Variants in STAMBPL1 observed in about 807,000 individuals in gnomAD.
STAMBPL1 encodes STAM binding protein like 1.
Under a neutral mutation model 52.9 loss-of-function variants are expected in STAMBPL1, and 44 were observed. The observed-to-expected ratio is 0.83, with a 90% CI of 0.65 to 1.07. The LOEUF (loss-of-function observed/expected upper bound fraction) is 1.07. STAMBPL1 is among the 50% of genes least tolerant of loss of function. The pLI, the probability that STAMBPL1 is intolerant of heterozygous loss-of-function variation, is 0.00. For synonymous variants in STAMBPL1, 164 were observed against 177.3 expected (o/e 0.92, Z 0.60); for missense variants, 511 against 520.8 (o/e 0.98, Z 0.18).
intron 2 of STAMBPL1, among the ~76,000 whole-genome samples, chr10:88,904,895 A>G (rs1564627495): frequency 6.6e-6 from 1 of 152,028 alleles, no homozygotes; most frequent in African/African-American, 2.4e-5. Flanking sequence ...AGGCTTCTCC[A>G]GGACTTACTT....
chr10:88,905,278 G>A (rs1379828000), intron 2 of STAMBPL1, among the ~76,000 whole-genome samples, 165 bp from the exon 3 acceptor site: 1 of 152,132 alleles, frequency 6.6e-6, no homozygotes, highest in Admixed American at 6.6e-5. Flanking sequence ...TATAAAGCAT[G>A]TTTAAGCAAA....
chr10:88,913,162 G>A lies in STAMBPL1; in HGVS notation c.482G>A (p.Arg161Lys). Residue 161 changes from arginine (R) to lysine (K), a missense_variant, in exon 6 of 11, where the codon AGG becomes AAG. Arg to Lys is a conservative substitution (Grantham distance 26). Coordinates refer to ENST00000371926, the MANE Select transcript of STAMBPL1 (RefSeq NM_020799.4). ...CATCAGAGATTGATAGAGGCAGAAA[G>A]GAAGCGGATTGCTCAGATGCGCCAG... ...LEHQRLIEAE[R>K]KRIAQMRQQQ... is the part of the protein sequence containing the mutation. The A allele has an allele frequency of 6.2e-7, 1 of 1,613,514 alleles. No homozygotes were observed. The highest frequency in any genetic ancestry group is 1.1e-5 in the South Asian group (1 of 91,028).
intron 10 of STAMBPL1, 136 bp from the exon 11 acceptor site, chr10:88,923,032 T>A: frequency 1.5e-6 from 1 of 651,966 alleles, no homozygotes; most frequent in South Asian, 1.9e-5. Context: ...TGATTGTATT[T>A]GTTCTGATTG....
chr10:88,894,643 A>T (rs1482888966), intron 1 of STAMBPL1, among the ~76,000 whole-genome samples: 3 of 152,232 alleles, frequency 2.0e-5, no homozygotes, highest in Non-Finnish European at 4.4e-5. Flanking sequence ...AGGAGGAAAA[A>T]GACCGAATTC....
intron 1 of STAMBPL1, among the ~76,000 whole-genome samples, chr10:88,887,494 G>A (rs1046547537): frequency 1.3e-5 from 2 of 152,058 alleles, no homozygotes; most frequent in Admixed American, 6.6e-5. Flanking sequence ...CCCTAGAGAT[G>A]ATTATTCAAA....
chr10:88,905,409 A>G (rs1401322393), intron 2 of STAMBPL1, 34 bp from the exon 3 acceptor site: 3 of 1,525,640 alleles, frequency 2.0e-6, no homozygotes, highest in Admixed American at 1.7e-5. Context: ...ACTATAATCA[A>G]CAGTTAATCA....
chr10:88,909,689 C>T (rs1845167161), intron 4 of STAMBPL1, among the ~76,000 whole-genome samples: 1 of 152,240 alleles, frequency 6.6e-6, no homozygotes, highest in Middle Eastern at 3.4e-3. Flanking sequence ...GCAACCCCCG[C>T]CTCCTGGGTT....
intron 3 of STAMBPL1, 129 bp downstream of exon 3, chr10:88,905,789 A>T: frequency 4.2e-6 from 3 of 722,600 alleles, no homozygotes; most frequent in Non-Finnish European, 6.7e-6. Flanking sequence ...AGGAGCATTA[A>T]ATGTTCAAGT....
At chr10:88,891,144 A>G (rs1262802640) in intron 1 of STAMBPL1, among the ~76,000 whole-genome samples, 1 of 152,244 alleles carries the variant, frequency 6.6e-6, no homozygotes, top group African/African-American at 2.4e-5. Context: ...TACAAAAAAT[A>G]AATTCCACAC....
chr10:88,887,620 G>A (rs573691681), intron 1 of STAMBPL1, among the ~76,000 whole-genome samples: 1 of 152,280 alleles, frequency 6.6e-6, no homozygotes, highest in East Asian at 1.9e-4. Flanking sequence ...CCTTGACCTC[G>A]TGGGTTCAAG....
At chr10:88,886,063 C>T (rs1267846521) in intron 1 of STAMBPL1, among the ~76,000 whole-genome samples, 1 of 152,126 alleles carries the variant, frequency 6.6e-6, no homozygotes, top group Non-Finnish European at 1.5e-5. Context: ...AACAGTGTTA[C>T]ACAAAACAAA....
At chr10:88,890,901 A>G (rs79555617) in intron 1 of STAMBPL1, among the ~76,000 whole-genome samples, 1,666 of 152,262 alleles carry the variant, frequency 0.011, 27 homozygotes, top group African/African-American at 0.038. Context: ...TCTCTGGGCT[A>G]CCAATTCCTC....
chr10:88,883,529 A>G (rs1365535043), intron 1 of STAMBPL1, among the ~76,000 whole-genome samples: 2 of 152,194 alleles, frequency 1.3e-5, no homozygotes, highest in Non-Finnish European at 2.9e-5. Flanking sequence ...CTACATCTGG[A>G]TGTGGCTTTT....
chr10:88,903,301 GA>G (rs146402684), intron 2 of STAMBPL1, among the ~76,000 whole-genome samples: 8,255 of 151,904 alleles, frequency 0.054, 574 homozygotes, highest in African/African-American at 0.16. Flanking sequence ...CATTTTCAGG[GA>G]AAAAAAACTA....
chr10:88,915,039 T>C (rs1261727082), intron 7 of STAMBPL1, among the ~76,000 whole-genome samples: 1 of 152,218 alleles, frequency 6.6e-6, no homozygotes, highest in Non-Finnish European at 1.5e-5. Flanking sequence ...ATCTGTGGCA[T>C]GTATTATCTT....
rs138368279 is a variant in STAMBPL1, at chr10:88,899,595, C to T, written c.-53-2061C>T. 5.3e-5 allele frequency among the ~76,000 whole-genome samples: 8 copies of T among 152,240 alleles called. 1 individual carries two copies. Among genetic ancestry groups the T allele is most frequent in the African/African-American group, 1.9e-4 (8 of 41,536 alleles). On this transcript the variant is annotated intron_variant, in intron 1 of 10. Transcript: ENST00000371926. ...TGCCATCTCAACTCACTGCATCCTC[C>T]GCCCCATGGATTCAAGCAATTCTCC...
Position 88,905,455 on chromosome 10 carries a change from G to A in STAMBPL1, c.43G>A (p.Ala15Thr). The A allele has an allele frequency of 6.2e-7, 1 of 1,614,026 alleles. No individual in the cohort carries two copies. Residue 15 changes from alanine to threonine, a missense_variant, in exon 3 of 11, where the codon GCT becomes ACT. Ala to Thr is a moderately conservative substitution (Grantham distance 58). Around this residue, in one of 3 missense-constraint regions of STAMBPL1, gnomAD observed 358 missense variants for 343.5 expected, o/e 1.04. Coordinates refer to ENST00000371926, the MANE Select transcript of STAMBPL1 (RefSeq NM_020799.4). The part of the protein sequence containing the change: ...FTVNSLKKLA[A>T]MPDHTDVSLS... ...TTTTGCTTTGCAGAAAAAGTTAGCT[G>A]CTATGCCTGACCATACAGATGTTTC...
At chr10:88,910,452 T>C (rs1451600263) in intron 4 of STAMBPL1, among the ~76,000 whole-genome samples, 7 of 152,222 alleles carry the variant, frequency 4.6e-5, no homozygotes, top group Admixed American at 4.6e-4. Flanking sequence ...TGGGGGGGTC[T>C]GTATTTTTAT....
intron 9 of STAMBPL1, 24 bp downstream of exon 9, chr10:88,921,419 ACCAAAGAAGGCTTTGT>A (rs1845508495): frequency 1.3e-6 from 2 of 1,588,046 alleles, no homozygotes; most frequent in Non-Finnish European, 8.6e-7. Flanking sequence ...TTCAGGGGAG[ACCAAAGAAGGCTTTGT>A]CCAGGGCTGC....
Sources: gnomAD v4.1 joint callset for allele counts (sites outside exome capture counted in the v4.1 genomes callset) on GRCh38, gnomAD v4.1.1 for gene constraint, gnomAD v4.1.1 regional missense constraint, MANE v1.5 for transcripts, NCBI Gene and HGNC (gene_info 2026-07-23, HGNC 2026-07-21) for gene names.